The following PIEZO2 variants were observed in gnomAD, a reference collection of about 807,000 sequenced individuals.
PIEZO2 encodes the protein piezo-type mechanosensitive ion channel component 2.
PIEZO2 carries 172 observed loss-of-function variants against 337.3 expected under a neutral mutation model. The observed-to-expected ratio is 0.51, with a 90% CI of 0.45 to 0.58. The LOEUF (loss-of-function observed/expected upper bound fraction) is 0.58. PIEZO2 is among the 20% of genes least tolerant of loss of function. The probability of loss-of-function intolerance (pLI) is 0.00; values close to 1 mark genes in which losing one functional copy is unlikely to be tolerated. For missense variants in PIEZO2, 3,028 were observed against 3,391.3 expected (o/e 0.89, Z 2.66); for synonymous variants, 1,251 against 1,228.5 (o/e 1.02, Z -0.38).
chr18:10,916,537 C>T (rs2030980398), intron 3 of PIEZO2, among the ~76,000 whole-genome samples: 1 of 152,166 alleles, frequency 6.6e-6, no homozygotes, highest in African/African-American at 2.4e-5. Context: ...GTGCTAAGCC[C>T]CTCACTGCCA....
chr18:11,041,482 C>T (rs1293370853), intron 2 of PIEZO2, among the ~76,000 whole-genome samples: 1 of 152,162 alleles, frequency 6.6e-6, no homozygotes, highest in East Asian at 1.9e-4. Flanking sequence ...CCTATAGAAT[C>T]CATCCTGTAC....
At chr18:10,810,386 C>T (rs2040151809) in intron 7 of PIEZO2, among the ~76,000 whole-genome samples, 1 of 152,154 alleles carries the variant, frequency 6.6e-6, no homozygotes, top group Non-Finnish European at 1.5e-5. Flanking sequence ...GTCCACAGAA[C>T]ACATCCTTAC....
Position 10,677,844 on chromosome 18 carries a change from C to A in PIEZO2, c.7984G>T (p.Ala2662Ser). 6.2e-7 allele frequency: 1 copy of A among 1,601,292 alleles called. No homozygotes were observed. The highest frequency in any genetic ancestry group is 1.1e-5 in the South Asian group (1 of 87,270). The change falls in exon 53 of 56, where the codon GCA becomes TCA. Residue 2662 changes from alanine to serine, a missense_variant. Physicochemically the swap from Ala to Ser is moderately conservative, Grantham distance 99 (BLOSUM62 1). Coordinates refer to ENST00000674853, the MANE Select transcript of PIEZO2 (RefSeq NM_001378183.1). The surrounding 1 kb of genome is among the most constrained non-coding windows in gnomAD (Gnocchi z 4.1). ...AGAGGAAAAGAAAGCTTATCTGTTG[C>A]TATTTCCGATTTTGCACCCAGACTT... is the stretch of plus-strand genomic sequence containing the variant. ...NLSLGAKSEI[A>S]TDKLSFPLKN...
chr18:10,751,183 C>G (rs190950125), intron 28 of PIEZO2, among the ~76,000 whole-genome samples: 24 of 152,204 alleles, frequency 1.6e-4, no homozygotes, highest in African/African-American at 5.3e-4. Context: ...ATGTGAATTC[C>G]TTGAGGGCAA....
At chr18:11,087,553 G>A (rs2038951686) in intron 1 of PIEZO2, among the ~76,000 whole-genome samples, 1 of 152,190 alleles carries the variant, frequency 6.6e-6, no homozygotes. Context: ...AATGTCCAGT[G>A]GGAAGATCAG....
chr18:11,000,179 T>G (rs2035478747), intron 2 of PIEZO2, among the ~76,000 whole-genome samples: 1 of 152,194 alleles, frequency 6.6e-6, no homozygotes, highest in African/African-American at 2.4e-5. Flanking sequence ...CCCCTCGAGT[T>G]CCTTCCACCT....
intron 2 of PIEZO2, among the ~76,000 whole-genome samples, chr18:11,020,782 G>A (rs2036281999): frequency 6.6e-6 from 1 of 152,162 alleles, no homozygotes; most frequent in African/African-American, 2.4e-5. Context: ...GCTGAAACCT[G>A]AAGCCTGGCA....
intron 2 of PIEZO2, among the ~76,000 whole-genome samples, chr18:11,058,537 G>C (rs1337546592): frequency 1.3e-5 from 2 of 152,168 alleles, no homozygotes; most frequent in Non-Finnish European, 2.9e-5. Flanking sequence ...AAAAAAATTA[G>C]ACGAAAGGCT....
chr18:10,941,856 T>G (rs1007185369), intron 3 of PIEZO2, among the ~76,000 whole-genome samples: 1 of 152,222 alleles, frequency 6.6e-6, no homozygotes, highest in African/African-American at 2.4e-5. Flanking sequence ...AATCTCATCT[T>G]GTAGCTCCCA....
rs202246773 is a variant in PIEZO2 at position 11,078,066 on chromosome 18, A to C, written c.65-11844T>G. Among the ~76,000 whole-genome samples, 3 of 140,252 alleles carry C rather than the reference A, an allele frequency of 2.1e-5. No homozygotes were observed. Among genetic ancestry groups the C allele is most frequent in the East Asian group, 4.2e-4 (2 of 4,740 alleles). 92.0% of individuals were successfully genotyped at this position (140,252 alleles called of 152,430 possible). Reference sequence around the variant, plus strand: ...CACACCCACACACACACACACACACACCACACACACAAAAACAAACATACA... The same window carrying C: ...CACACCCACACACACACACACACACCCCACACACACAAAAACAAACATACA... On this transcript the variant is annotated intron_variant, in intron 1 of 55. Coordinates refer to ENST00000674853, the MANE Select transcript of PIEZO2 (RefSeq NM_001378183.1). The surrounding 1 kb of genome is among the most constrained non-coding windows in gnomAD (Gnocchi z 5.3).
At chr18:11,037,416 A>T (rs1035520211) in intron 2 of PIEZO2, among the ~76,000 whole-genome samples, 1 of 152,248 alleles carries the variant, frequency 6.6e-6, no homozygotes, top group Non-Finnish European at 1.5e-5. Context: ...ACTAAAAAAT[A>T]ATTATTGAGC....
chr18:10,957,798 C>G (rs913262297), intron 3 of PIEZO2, among the ~76,000 whole-genome samples: 1 of 152,130 alleles, frequency 6.6e-6, no homozygotes, highest in African/African-American at 2.4e-5. Context: ...AAAATACATA[C>G]GGAATTCAAG....
At position 10,758,076 on chromosome 18, in the gene PIEZO2, G is replaced by A; in HGVS notation, c.3816C>T (p.Asn1272=). ...SLQRQIFEDE[N]KAAVRIMAGD... is the part of the protein sequence containing the mutation. ...CTGCCATGATTCGCACTGCAGCCTT[G>A]TTCTCATCCTCAAAAATCTGCCGTT... The change falls in exon 27 of 56, where the codon AAC becomes AAT. Residue 1272 remains asparagine, a synonymous_variant. Coordinates refer to ENST00000674853, the MANE Select transcript of PIEZO2 (RefSeq NM_001378183.1). 3 of 1,537,554 alleles carry A rather than the reference G, an allele frequency of 2.0e-6. No individual in the cohort carries two copies. The highest frequency in any genetic ancestry group is 2.6e-6 in the Non-Finnish European group (3 of 1,146,888).
intron 1 of PIEZO2, among the ~76,000 whole-genome samples, chr18:11,122,181 T>G (rs2040047689): frequency 6.6e-6 from 1 of 152,274 alleles, no homozygotes; most frequent in South Asian, 2.1e-4. Context: ...GGTCTTGATC[T>G]CCTCACCTCA....
rs983168593 is a variant in PIEZO2 at position 11,143,986 on chromosome 18, GAAAC to G, written c.64+4535_64+4538del. On this transcript the variant is annotated intron_variant, in intron 1 of 55. Transcript: ENST00000674853. The surrounding 1 kb of genome is among the most constrained non-coding windows in gnomAD (Gnocchi z 4.9). Reference sequence around the variant, plus strand: ...TTTACCATTTTACAGAAAGAAAAGAGAAACAAACAAAAGGAACTCCACAATCATA... The same window carrying G: ...TTTACCATTTTACAGAAAGAAAAGAGAAACAAAAGGAACTCCACAATCATA... Among the ~76,000 whole-genome samples the G allele has an allele frequency of 2.5e-4, 38 of 152,264 alleles. No homozygotes were observed. The highest frequency in any genetic ancestry group is 8.4e-4 in the African/African-American group (35 of 41,558).
At position 10,945,171 on chromosome 18, in the gene PIEZO2, C is replaced by T. The variant is rs2032952892; in HGVS notation, c.287-33943G>A. Among the ~76,000 whole-genome samples the T allele has an allele frequency of 6.6e-6, 1 of 152,064 alleles. No individual in the cohort carries two copies. The highest frequency in any genetic ancestry group is 2.4e-5 in the African/African-American group (1 of 41,394). On this transcript the variant is annotated intron_variant, in intron 3 of 55. Coordinates refer to ENST00000674853, the MANE Select transcript of PIEZO2 (RefSeq NM_001378183.1). This position sits in a 1 kb window ranked among gnomAD's most constrained non-coding sequence, Gnocchi z 4.0. Reference sequence around the variant, plus strand: ...AACTACCTGAATCTGAAGAAGACGCCCTATGATTTTTAGGTGTTATTTTTT... The same window carrying T: ...AACTACCTGAATCTGAAGAAGACGCTCTATGATTTTTAGGTGTTATTTTTT...
intron 3 of PIEZO2, among the ~76,000 whole-genome samples, chr18:10,934,813 T>C (rs564992739): frequency 6.6e-6 from 1 of 152,308 alleles, no homozygotes; most frequent in Non-Finnish European, 1.5e-5. Flanking sequence ...CTTTGTTAAA[T>C]TGTAACTTAC....
chr18:11,064,668 A>C (rs1168303750), intron 2 of PIEZO2, among the ~76,000 whole-genome samples: 3 of 152,232 alleles, frequency 2.0e-5, no homozygotes, highest in Non-Finnish European at 2.9e-5. Context: ...GGGAAAAAGA[A>C]AAAGTCAGGG....
intron 2 of PIEZO2, among the ~76,000 whole-genome samples, chr18:11,041,950 A>G (rs1255541639): frequency 2.0e-5 from 3 of 152,180 alleles, no homozygotes; most frequent in Non-Finnish European, 4.4e-5. Context: ...TGCCCCAGGT[A>G]TCTCTGTCTA....
Sources: gnomAD v4.1 joint callset for allele counts (sites outside exome capture counted in the v4.1 genomes callset) on GRCh38, gnomAD v4.1.1 for gene constraint, Gnocchi (gnomAD v3.1) non-coding constraint, MANE v1.5 for transcripts, NCBI Gene and HGNC (gene_info 2026-07-23, HGNC 2026-07-21) for gene names.